The following PARN variants were observed in gnomAD, a reference collection of about 807,000 sequenced individuals.
PARN encodes poly(A)-specific ribonuclease PARN.
A neutral mutation model predicts 102.8 loss-of-function variants in PARN; 71 were observed. The ratio of observed to expected loss-of-function variants is 0.69; its 90% CI spans 0.57 to 0.84. PARN has a LOEUF of 0.84. PARN is among the 40% of genes least tolerant of loss of function. PARN has a pLI of 0.00. For missense variants in PARN, 782 were observed against 760.9 expected (o/e 1.03, Z -0.33); for synonymous variants, 261 against 252.9 (o/e 1.03, Z -0.30).
At position 14,604,143 on chromosome 16, in the gene PARN, T is replaced by G. The variant is rs1971041978; in HGVS notation, c.783+3A>C. 1 of 1,577,776 alleles carries G rather than the reference T, an allele frequency of 6.3e-7. No individual in the cohort carries two copies. Among genetic ancestry groups the G allele is most frequent in the East Asian group, 2.2e-5 (1 of 44,590 alleles). On this transcript the variant is annotated splice_donor_region_variant and intron_variant, in intron 11 of 23. Coordinates refer to ENST00000437198, the MANE Select transcript of PARN (RefSeq NM_002582.4). ...CCCCCAAGAATTAACATAGCCCAAT[T>G]ACCTGTTCTTTGGCATGTTTCTGCT...
chr16:14,495,620 CG>C (rs1353956815), intron 21 of PARN, among the ~76,000 whole-genome samples: 1 of 152,058 alleles, frequency 6.6e-6, no homozygotes, highest in African/African-American at 2.4e-5. Flanking sequence ...CGAGGAACCA[CG>C]GTAAGGGTGG....
rs765213830 is a variant in PARN at position 14,436,723 on chromosome 16, T to C, written c.1914A>G (p.Thr638=). ...TGCTGCCCTCAGGTCTTGGTTACCA[T>C]GTGTCAGGAACTTCAAAGAGTGTGG... ...SPATLFEVPD[T]W Residue 638 remains threonine, a synonymous_variant, in exon 24 of 24, where the codon ACA becomes ACG. Coordinates refer to ENST00000437198, the MANE Select transcript of PARN (RefSeq NM_002582.4). 21 of 1,600,672 alleles carry C rather than the reference T, an allele frequency of 1.3e-5. No individual in the cohort carries two copies. The South Asian group carries it at 1.7e-4, about 13-fold the overall frequency.
intron 21 of PARN, among the ~76,000 whole-genome samples, chr16:14,531,987 C>A (rs1052636966): frequency 6.6e-6 from 1 of 151,904 alleles, no homozygotes; most frequent in Non-Finnish European, 1.5e-5. Context: ...CGCTTCAGCC[C>A]AGGAGTTCGA....
intron 22 of PARN, among the ~76,000 whole-genome samples, chr16:14,475,703 A>G (rs181478098): frequency 1.3e-5 from 2 of 152,324 alleles, no homozygotes; most frequent in East Asian, 3.9e-4. Flanking sequence ...CTCTAAAGCA[A>G]ATAGAAGTGA....
chr16:14,469,823 C>T (rs1040200371), intron 22 of PARN, among the ~76,000 whole-genome samples: 4 of 151,986 alleles, frequency 2.6e-5, no homozygotes, highest in Non-Finnish European at 5.9e-5. Flanking sequence ...ATAAATTATA[C>T]AGGACTAATC....
intron 22 of PARN, among the ~76,000 whole-genome samples, chr16:14,478,709 T>A (rs1003902706): frequency 5.3e-5 from 8 of 152,264 alleles, no homozygotes; most frequent in Admixed American, 1.3e-4. Flanking sequence ...TGGAATATTT[T>A]AAAAAATCCT....
intron 22 of PARN, among the ~76,000 whole-genome samples, chr16:14,468,840 G>A (rs1201473868): frequency 6.6e-6 from 1 of 151,258 alleles, no homozygotes; most frequent in African/African-American, 2.4e-5. Context: ...CCAGGAATAG[G>A]AGACCAGCTG....
intron 21 of PARN, among the ~76,000 whole-genome samples, chr16:14,499,465 C>T (rs1243869773): frequency 6.6e-6 from 1 of 152,178 alleles, no homozygotes; most frequent in Non-Finnish European, 1.5e-5. Flanking sequence ...AAAGAAGTAA[C>T]AAGTTCTTCA....
intron 16 of PARN, 86 bp downstream of exon 16, chr16:14,584,261 C>A: frequency 1.1e-6 from 1 of 923,864 alleles, no homozygotes; most frequent in South Asian, 1.4e-5. Flanking sequence ...ACAATACGGT[C>A]TCCAGAGCCA....
chr16:14,583,898 G>C (rs944465308), intron 16 of PARN, among the ~76,000 whole-genome samples: 5 of 152,148 alleles, frequency 3.3e-5, no homozygotes, highest in African/African-American at 4.8e-5. Context: ...CTCTAAACCA[G>C]CTGAAAAGGA....
intron 9 of PARN, among the ~76,000 whole-genome samples, chr16:14,607,162 T>C (rs1971237534): frequency 6.6e-6 from 1 of 152,146 alleles, no homozygotes; most frequent in African/African-American, 2.4e-5. Flanking sequence ...TGCTTCCAAA[T>C]ATAAAAATGT....
intron 22 of PARN, among the ~76,000 whole-genome samples, chr16:14,480,153 C>T (rs141322091): frequency 1.3e-5 from 2 of 151,920 alleles, no homozygotes; most frequent in African/African-American, 4.8e-5. Flanking sequence ...GGCAACATGG[C>T]GAAACCCTGT....
chr16:14,610,251 T>G (rs1037673780), intron 7 of PARN, among the ~76,000 whole-genome samples: 2 of 152,118 alleles, frequency 1.3e-5, no homozygotes, highest in African/African-American at 4.8e-5. Flanking sequence ...GGCGGGCAGA[T>G]CACTTGAGGC....
chr16:14,610,927 CA>C (rs1567448366), intron 6 of PARN, 118 bp from the exon 7 acceptor site: 1 of 666,236 alleles, frequency 1.5e-6, no homozygotes, highest in Non-Finnish European at 2.6e-6. Flanking sequence ...AACTACATCT[CA>C]AAAAATGAAC....
intron 19 of PARN, among the ~76,000 whole-genome samples, 176 bp from the exon 20 acceptor site, chr16:14,554,327 A>AGAC (rs1967520184): frequency 6.6e-6 from 1 of 152,232 alleles, no homozygotes. Flanking sequence ...ATGGTAATCT[A>AGAC]GACCTCAGGT....
chr16:14,627,148 T>C lies in PARN; in HGVS notation c.285A>G (p.Lys95=). ...TKSFNFYVFP[K]PFNRSSPDVK... Reference sequence around the variant, plus strand: ...CATCTGGTGAGGATCTATTGAAGGGTTTCGGGAAAACATAGAAGTTAAATG... The same window carrying C: ...CATCTGGTGAGGATCTATTGAAGGGCTTCGGGAAAACATAGAAGTTAAATG... Residue 95 remains lysine (K), a synonymous_variant, in exon 5 of 24, where the codon AAA becomes AAG. Coordinates refer to ENST00000437198, the MANE Select transcript of PARN (RefSeq NM_002582.4). 1 of 1,606,872 alleles carries C rather than the reference T, an allele frequency of 6.2e-7. No homozygotes were observed. Among genetic ancestry groups the C allele is most frequent in the Non-Finnish European group, 8.5e-7 (1 of 1,174,554 alleles).
At chr16:14,594,415 TA>T (rs1240450032) in intron 12 of PARN, among the ~76,000 whole-genome samples, 1 of 152,138 alleles carries the variant, frequency 6.6e-6, no homozygotes, top group Non-Finnish European at 1.5e-5. Flanking sequence ...ACACCATTTT[TA>T]ACATAAAACA....
chr16:14,593,356 T>C lies in PARN; in HGVS notation c.863A>G (p.Asn288Ser), dbSNP rs1970311758. Residue 288 changes from asparagine to serine, a missense_variant, in exon 13 of 24, where the codon AAT (asparagine) becomes AGT (serine). By Grantham distance (46) the Asn-to-Ser change is conservative. Transcript: ENST00000437198. Reference protein sequence around the residue: ...ANSGKLVIGHNMLLDVMHTVH... With the variant: ...ANSGKLVIGHSMLLDVMHTVH... The stretch of plus-strand genomic sequence containing the variant: ...TGTGTGCATGACGTCCAAGAGCATA[T>C]TGTGTCCAATAACAAGTTTTCCCTA... 1.2e-6 allele frequency: 2 copies of C among 1,603,268 alleles called. No homozygotes were observed. The highest frequency in any genetic ancestry group is 1.7e-6 in the Non-Finnish European group (2 of 1,170,488).
chr16:14,545,923 GAGAAA>G (rs2151696012), intron 21 of PARN, among the ~76,000 whole-genome samples: 1 of 152,058 alleles, frequency 6.6e-6, no homozygotes, highest in South Asian at 2.1e-4. Context: ...TCAAGAAACT[GAGAAA>G]AGAAGAGCAA....
Sources: gnomAD v4.1 joint callset for allele counts (sites outside exome capture counted in the v4.1 genomes callset) on GRCh38, gnomAD v4.1.1 for gene constraint, MANE v1.5 for transcripts, NCBI Gene and HGNC (gene_info 2026-07-23, HGNC 2026-07-21) for gene names.